The following THSD7A variants were observed in gnomAD, a reference collection of about 807,000 sequenced individuals.
The protein encoded by THSD7A is thrombospondin type-1 domain-containing protein 7A.
A neutral mutation model predicts 231.3 loss-of-function variants in THSD7A; 96 were observed. The ratio of observed to expected loss-of-function variants is 0.41; its 90% CI spans 0.35 to 0.49. The LOEUF (loss-of-function observed/expected upper bound fraction) is 0.49, where lower values mean the gene tolerates loss of function less well. Among genes scored for constraint, THSD7A ranks in the 20% least tolerant of loss-of-function variants. The pLI is 0.05. For missense variants in THSD7A, 2,290 were observed against 2,070.2 expected (o/e 1.11, Z -2.06); for synonymous variants, 940 against 743.3 (o/e 1.26, Z -4.30).
At chr7:11,507,601 G>GTT (rs386409516) in intron 6 of THSD7A, among the ~76,000 whole-genome samples, 7,915 of 142,720 alleles carry the variant, frequency 0.055, 524 homozygotes, top group African/African-American at 0.17. Context: ...AATAATGTGT[G>GTT]TTTTTTTTTT....
chr7:11,609,256 G>A (rs376888665), intron 2 of THSD7A, among the ~76,000 whole-genome samples: 1 of 152,222 alleles, frequency 6.6e-6, no homozygotes. Context: ...ATGGCATGCT[G>A]AGAACATCAT....
rs139941041 is a variant in THSD7A at position 11,462,105 on chromosome 7, T to C, written c.2407A>G (p.Ile803Val). ...SIRKQSRHRV[I>V]IQLPANGGRD... is the part of the protein sequence containing the mutation. Reference sequence around the variant, plus strand: ...CCCCCGTTGGCTGGCAGCTGAATGATGACCCGATGCCTAGACTGCTTCCTG... The same window carrying C: ...CCCCCGTTGGCTGGCAGCTGAATGACGACCCGATGCCTAGACTGCTTCCTG... Residue 803 changes from isoleucine (I) to valine (V), a missense_variant, in exon 10 of 28, where the codon ATC (isoleucine) becomes GTC (valine). By Grantham distance (29) the Ile-to-Val change is conservative. Coordinates refer to ENST00000423059, the MANE Select transcript of THSD7A (RefSeq NM_015204.3). 288 of 1,613,812 alleles carry C rather than the reference T, an allele frequency of 1.8e-4. No homozygotes were observed. The African/African-American group carries it at 3.3e-3, about 18-fold the overall frequency.
In THSD7A at chr7:11,632,093, G is replaced by A. The variant is rs187910317; in HGVS notation, c.1022+4037C>T. 1.5e-4 allele frequency among the ~76,000 whole-genome samples: 23 copies of A among 152,120 alleles called. No individual in the cohort carries two copies. Among genetic ancestry groups the A allele is most frequent in the Admixed American group, 7.2e-4 (11 of 15,270 alleles). ...ATAATTTATTATATTACTTGTTATC[G>A]TTATTACCATAGAGTATAATGCACT... On this transcript the variant is annotated intron_variant, in intron 2 of 27. Coordinates refer to ENST00000423059, the MANE Select transcript of THSD7A (RefSeq NM_015204.3). The surrounding 1 kb of genome is among the most constrained non-coding windows in gnomAD (Gnocchi z 4.1).
At chr7:11,543,205 G>T in intron 4 of THSD7A, 88 bp from the exon 5 acceptor site, 1 of 1,232,896 alleles carries the variant, frequency 8.1e-7, no homozygotes, top group Admixed American at 2.2e-5. Context: ...TATGGAAAAG[G>T]AAAATCCTTA....
intron 1 of THSD7A, among the ~76,000 whole-genome samples, chr7:11,819,403 G>A (rs1443571827): frequency 1.3e-5 from 2 of 152,144 alleles, no homozygotes; most frequent in Non-Finnish European, 1.5e-5. Flanking sequence ...CCCAAACTTG[G>A]AAGCAACCAA....
rs545001234 is a variant in THSD7A, at chr7:11,661,457, G to C, written c.191-24496C>G. On this transcript the variant is annotated intron_variant, in intron 1 of 27. Transcript: ENST00000423059. ...CCAGAAAAATGGTAAACATGATGGAGAATTTAAGCAGAGAAGAGTAATTGA... is the reference window on the plus strand; with the variant it reads ...CCAGAAAAATGGTAAACATGATGGACAATTTAAGCAGAGAAGAGTAATTGA... 1.4e-3 allele frequency among the ~76,000 whole-genome samples: 205 copies of C among 151,032 alleles called. 1 individual carries two copies. Among genetic ancestry groups the C allele is most frequent in the Non-Finnish European group, 4.0e-4 (27 of 67,362 alleles).
At chr7:11,666,750 A>G (rs886970001) in intron 1 of THSD7A, among the ~76,000 whole-genome samples, 32 of 151,422 alleles carry the variant, frequency 2.1e-4, no homozygotes, top group African/African-American at 5.5e-4. Flanking sequence ...TACATGTTAT[A>G]AAACATATCT....
intron 4 of THSD7A, among the ~76,000 whole-genome samples, chr7:11,588,615 G>A (rs142146231): frequency 3.3e-5 from 5 of 151,984 alleles, no homozygotes; most frequent in South Asian, 2.1e-4. Flanking sequence ...GCAGTGGTTG[G>A]GGGGAGCTCT....
At chr7:11,698,089 G>A (rs992552890) in intron 1 of THSD7A, among the ~76,000 whole-genome samples, 1 of 151,354 alleles carries the variant, frequency 6.6e-6, no homozygotes, top group African/African-American at 2.4e-5. Context: ...CTGCTGGCAT[G>A]TCTGATTCTG....
chr7:11,469,846 G>GGT, intron 9 of THSD7A, 33 bp downstream of exon 9: 2 of 1,482,522 alleles, frequency 1.3e-6, no homozygotes, highest in South Asian at 1.2e-5. Flanking sequence ...AGGTTTTCTA[G>GGT]GTGAACAGCC....
chr7:11,780,782 G>A lies in THSD7A; in HGVS notation c.190+50975C>T, dbSNP rs1399788744. Among the ~76,000 whole-genome samples the A allele has an allele frequency of 1.3e-4, 19 of 151,988 alleles. 1 individual carries two copies. The highest frequency in any genetic ancestry group is 1.2e-3 in the Admixed American group (19 of 15,266). ...GACAGCAATGGATAACCAATACAAT[G>A]AGAGCTTTAATTTTATAGGGAGCAA... On this transcript the variant is annotated intron_variant, in intron 1 of 27. Transcript: ENST00000423059.
intron 1 of THSD7A, among the ~76,000 whole-genome samples, chr7:11,776,791 T>A (rs1424928763): frequency 6.6e-6 from 1 of 152,202 alleles, no homozygotes; most frequent in African/African-American, 2.4e-5. Context: ...ATGAAAAACC[T>A]AACATTGAAG....
intron 4 of THSD7A, among the ~76,000 whole-genome samples, chr7:11,574,700 T>C (rs993013752): frequency 7.3e-5 from 11 of 151,280 alleles, no homozygotes; most frequent in Non-Finnish European, 1.2e-4. Context: ...CCTCCCAAAG[T>C]GCTGGGATTA....
intron 6 of THSD7A, among the ~76,000 whole-genome samples, chr7:11,540,708 A>T (rs991625256): frequency 2.0e-5 from 3 of 152,218 alleles, no homozygotes; most frequent in African/African-American, 7.2e-5. Context: ...CCAAAACAGT[A>T]GCAGTACTCT....
intron 6 of THSD7A, among the ~76,000 whole-genome samples, chr7:11,511,214 T>C (rs1210433559): frequency 1.3e-5 from 2 of 152,016 alleles, no homozygotes. Flanking sequence ...TACCTAGGAA[T>C]CCAACTTACA....
At chr7:11,438,854 G>A (rs892481347) in intron 13 of THSD7A, among the ~76,000 whole-genome samples, 1 of 151,870 alleles carries the variant, frequency 6.6e-6, no homozygotes, top group African/African-American at 2.4e-5. Flanking sequence ...TGACAATCCG[G>A]TAGTAAATAA....
chr7:11,438,288 CCA>C (rs1268965530), intron 13 of THSD7A, among the ~76,000 whole-genome samples: 1 of 151,966 alleles, frequency 6.6e-6, no homozygotes, highest in African/African-American at 2.4e-5. Flanking sequence ...TATAAATACT[CCA>C]CACACATATT....
rs140073108 is a variant in THSD7A at position 11,707,713 on chromosome 7, C to G, written c.191-70752G>C. Among the ~76,000 whole-genome samples the G allele has an allele frequency of 7.3e-5, 11 of 150,906 alleles. No homozygotes were observed. The East Asian group carries it at 2.0e-3, about 27-fold the overall frequency. Reference sequence around the variant, plus strand: ...AGACCCAAAGGAATGTGTTCTAAAGCCTTCAGCAGTGTGCAGTACACTCTC... The same window carrying G: ...AGACCCAAAGGAATGTGTTCTAAAGGCTTCAGCAGTGTGCAGTACACTCTC... On this transcript the variant is annotated intron_variant, in intron 1 of 27. Transcript: ENST00000423059.
chr7:11,786,234 T>C lies in THSD7A; in HGVS notation c.190+45523A>G, dbSNP rs180946676. On this transcript the variant is annotated intron_variant, in intron 1 of 27. Transcript: ENST00000423059. Reference sequence around the variant, plus strand: ...AAACCATCACTAACCCCTTCTTCCTTACCTTCCTCCACAATAAAGACTAGC... The same window carrying C: ...AAACCATCACTAACCCCTTCTTCCTCACCTTCCTCCACAATAAAGACTAGC... Among the ~76,000 whole-genome samples the C allele has an allele frequency of 1.0e-3, 158 of 152,210 alleles. 1 individual carries two copies. Among genetic ancestry groups the C allele is most frequent in the Admixed American group, 8.3e-3 (126 of 15,260 alleles).
Sources: allele counts gnomAD v4.1 joint callset (sites outside exome capture counted in the v4.1 genomes callset), GRCh38; gene constraint gnomAD v4.1.1; non-coding constraint Gnocchi (gnomAD v3.1); transcripts MANE v1.5; gene names NCBI Gene and HGNC (gene_info 2026-07-23, HGNC 2026-07-21).